IQGAP1: variants seen among roughly 807,000 people sequenced by gnomAD.
The protein encoded by IQGAP1 is IQ motif containing GTPase activating protein 1.
A neutral mutation model predicts 215.6 loss-of-function variants in IQGAP1; 66 were observed. The ratio of observed to expected loss-of-function variants is 0.31; its 90% confidence interval spans 0.25 to 0.38. IQGAP1 has a LOEUF of 0.38. Ranked by LOEUF, IQGAP1 falls within the 10% of genes least tolerant of loss-of-function variation. The pLI, the probability that IQGAP1 is intolerant of heterozygous loss-of-function variation, is 1.00. For missense variants in IQGAP1, 1,712 were observed against 1,997.1 expected, an observed-to-expected ratio of 0.86 and a Z score of 2.72; for synonymous variants, 772 against 728.7, an observed-to-expected ratio of 1.06 and a Z score of -0.96.
chr15:90,476,595 C>T, intron 23 of IQGAP1, 68 bp from the exon 24 acceptor site: 1 of 1,271,116 alleles, frequency 7.9e-7, no homozygotes, highest in Non-Finnish European at 1.1e-6. Flanking sequence ...TGCTGCAAAA[C>T]CTTTCCTCAA....
At chr15:90,423,851 T>C (rs1341005267) in intron 2 of IQGAP1, among the ~76,000 whole-genome samples, 1 of 152,192 alleles carries the variant, frequency 6.6e-6, no homozygotes, top group East Asian at 1.9e-4. Context: ...ATATAAAGAA[T>C]GCTGGGAGAT....
intron 30 of IQGAP1, among the ~76,000 whole-genome samples, chr15:90,484,605 T>G (rs1966100932): frequency 6.6e-6 from 1 of 151,970 alleles, no homozygotes; most frequent in Non-Finnish European, 1.5e-5. Flanking sequence ...ACCTCCTGGG[T>G]TCACACCATT....
At chr15:90,429,513 CTT>C in intron 3 of IQGAP1, 74 bp from the exon 4 acceptor site, 18 of 1,142,646 alleles carry the variant, frequency 1.6e-5, no homozygotes, top group Non-Finnish European at 2.2e-5. Context: ...CTTGAGGAAA[CTT>C]TTGCGAAGAG....
intron 2 of IQGAP1, among the ~76,000 whole-genome samples, chr15:90,422,122 C>T (rs1965145944): frequency 6.6e-6 from 1 of 152,174 alleles, no homozygotes. Context: ...CCTTTTTAGA[C>T]AGCCTGTGGA....
At chr15:90,468,578 C>T (rs1965864112) in intron 18 of IQGAP1, among the ~76,000 whole-genome samples, 1 of 152,152 alleles carries the variant, frequency 6.6e-6, no homozygotes, top group South Asian at 2.1e-4. Context: ...CACCTGTAAT[C>T]CCAGCACTTT....
intron 9 of IQGAP1, 50 bp from the exon 10 acceptor site, chr15:90,448,523 G>A (rs775499179): frequency 6.7e-7 from 1 of 1,482,140 alleles, no homozygotes; most frequent in Non-Finnish European, 9.0e-7. Context: ...ACTATTCTAG[G>A]CTCTTCTGTT....
chr15:90,452,745 C>T (rs76653232), intron 11 of IQGAP1, 30 bp from the exon 12 acceptor site: 7 of 1,610,978 alleles, frequency 4.3e-6, no homozygotes, highest in Non-Finnish European at 5.9e-6. Flanking sequence ...TCTAAGCCCA[C>T]TGCGTTTCTG....
rs1301128598 is a variant in IQGAP1 at position 90,388,476 on chromosome 15, CGGGCGGGTGGGGCA to C, written c.55+87_55+100del. Reference sequence around the variant, plus strand: ...GGCGCGATTTTCCTGGGGGCTCGGCCGGGCGGGTGGGGCAGGGCGGCTGCCGGCAGCTCGGACCC... The same window carrying C: ...GGCGCGATTTTCCTGGGGGCTCGGCCGGGCGGCTGCCGGCAGCTCGGACCC... On this transcript the variant is annotated intron_variant, in intron 1 of 37. Coordinates refer to ENST00000268182, the MANE Select transcript of IQGAP1 (RefSeq NM_003870.4). 20 of 300,006 alleles carry C rather than the reference CGGGCGGGTGGGGCA, an allele frequency of 6.7e-5. 1 individual carries two copies. Among genetic ancestry groups the C allele is most frequent in the East Asian group, 2.3e-4 (2 of 8,666 alleles). 18.6% of individuals were successfully genotyped at this position (300,006 alleles called of 1,614,324 possible).
chr15:90,463,862 C>G (rs1451382310), intron 15 of IQGAP1, among the ~76,000 whole-genome samples: 3 of 152,176 alleles, frequency 2.0e-5, no homozygotes, highest in African/African-American at 7.2e-5. Context: ...TGGCCTTATC[C>G]TGTCACCTGC....
intron 15 of IQGAP1, among the ~76,000 whole-genome samples, chr15:90,465,063 T>C (rs756929637): frequency 2.0e-4 from 31 of 152,244 alleles, no homozygotes; most frequent in Non-Finnish European, 3.5e-4. Flanking sequence ...TGTGAGGCTT[T>C]TGTTAGCTGT....
At chr15:90,422,028 C>T (rs985829629) in intron 2 of IQGAP1, among the ~76,000 whole-genome samples, 3 of 152,168 alleles carry the variant, frequency 2.0e-5, no homozygotes, top group Non-Finnish European at 2.9e-5. Context: ...TTTAGTTAAG[C>T]TAAAATACCT....
intron 2 of IQGAP1, among the ~76,000 whole-genome samples, chr15:90,400,006 GTAAC>G (rs1964782961): frequency 6.6e-6 from 1 of 152,100 alleles, no homozygotes; most frequent in Non-Finnish European, 1.5e-5. Context: ...TCTATGACAA[GTAAC>G]TTGATTTTTT....
At chr15:90,426,953 CAA>C (rs56984277) in intron 3 of IQGAP1, among the ~76,000 whole-genome samples, 32 of 93,806 alleles carry the variant, frequency 3.4e-4, no homozygotes, top group Admixed American at 2.5e-4. Context: ...GACTCCATCT[CAA>C]AAAAAAAAAA....
chr15:90,425,369 A>T (rs1168459378), intron 2 of IQGAP1, among the ~76,000 whole-genome samples: 2 of 152,180 alleles, frequency 1.3e-5, no homozygotes, highest in Non-Finnish European at 2.9e-5. Flanking sequence ...TTAGTTACCT[A>T]TGTTTCCGTT....
At chr15:90,403,095 A>G (rs919047661) in intron 2 of IQGAP1, among the ~76,000 whole-genome samples, 1 of 151,932 alleles carries the variant, frequency 6.6e-6, no homozygotes, top group African/African-American at 2.4e-5. Flanking sequence ...ACATATTAAG[A>G]CCCTGTCTCT....
intron 12 of IQGAP1, 55 bp from the exon 13 acceptor site, chr15:90,453,077 G>C: frequency 6.4e-7 from 1 of 1,561,356 alleles, no homozygotes; most frequent in Non-Finnish European, 8.7e-7. Context: ...ATAACTCCCT[G>C]GGTCTTGGAG....
chr15:90,458,844 G>A (rs1965722789), intron 15 of IQGAP1, among the ~76,000 whole-genome samples: 1 of 152,170 alleles, frequency 6.6e-6, no homozygotes, highest in Non-Finnish European at 1.5e-5. Context: ...TCTCTTAAAT[G>A]AAACCTGGTA....
chr15:90,449,501 T>G, intron 10 of IQGAP1, 58 bp from the exon 11 acceptor site: 1 of 1,379,260 alleles, frequency 7.3e-7, no homozygotes, highest in Non-Finnish European at 1.0e-6. Flanking sequence ...ATGAGAACCT[T>G]AAGGCCTGGA....
chr15:90,472,153 G>T (rs1035875210), intron 18 of IQGAP1, among the ~76,000 whole-genome samples: 1 of 152,174 alleles, frequency 6.6e-6, no homozygotes, highest in African/African-American at 2.4e-5. Context: ...TGGTACACTT[G>T]TAGCCCCAGC....
Sources: allele counts gnomAD v4.1 joint callset (sites outside exome capture counted in the v4.1 genomes callset), GRCh38; gene constraint gnomAD v4.1.1; transcripts MANE v1.5; gene names NCBI Gene and HGNC (gene_info 2026-07-23, HGNC 2026-07-21).